THTPA: variants seen among roughly 807,000 people sequenced by gnomAD.
THTPA encodes thiamine-triphosphatase.
Under a neutral mutation model 16.5 loss-of-function variants are expected in THTPA, and 16 were observed. That is an observed-to-expected ratio of 0.97 (90% CI 0.66 to 1.47). The LOEUF (loss-of-function observed/expected upper bound fraction) is 1.47. Ranked by LOEUF, THTPA falls within the 40% of genes most tolerant of loss-of-function variation. The pLI is 0.00. For synonymous variants in THTPA, 110 were observed against 115.5 expected (o/e 0.95, Z 0.30); for missense variants, 281 against 280.9 (o/e 1.00, Z 0.00).
chr14:23,524,857 G>C, the THTPA span: 8 of 1,536,476 alleles, frequency 5.2e-6, no homozygotes, highest in Admixed American at 1.2e-4. This position sits in a 1 kb window ranked among gnomAD's most constrained non-coding sequence, Gnocchi z 5.6. Flanking sequence ...CAAGGGTCTG[G>C]TCATCATAGC....
chr14:23,519,539 G>T, the THTPA span, among the ~76,000 whole-genome samples: 13 of 152,218 alleles, frequency 8.5e-5, no homozygotes, highest in South Asian at 2.7e-3. Flanking sequence ...CTCTCCTGTT[G>T]CCTAGATCTG....
the THTPA span, among the ~76,000 whole-genome samples, chr14:23,517,221 A>G: frequency 6.6e-6 from 1 of 152,150 alleles, no homozygotes; most frequent in Non-Finnish European, 1.5e-5. Flanking sequence ...TGGTCACGCA[A>G]TTGAATCACG....
chr14:23,536,035 C>T, the THTPA span, among the ~76,000 whole-genome samples: 2 of 152,186 alleles, frequency 1.3e-5, no homozygotes, highest in African/African-American at 4.8e-5. Flanking sequence ...ACTTCAACAG[C>T]AACTTCTAAA....
At chr14:23,517,231 G>A in the THTPA span, among the ~76,000 whole-genome samples, 6 of 152,248 alleles carry the variant, frequency 3.9e-5, no homozygotes, top group East Asian at 1.9e-4. Flanking sequence ...ATTGAATCAC[G>A]CAATTTTATC....
the THTPA span, among the ~76,000 whole-genome samples, chr14:23,549,186 T>A: frequency 6.6e-6 from 1 of 152,202 alleles, no homozygotes; most frequent in South Asian, 2.1e-4. Flanking sequence ...TTTGTTTCAT[T>A]CTTCCAATTT....
the THTPA span, among the ~76,000 whole-genome samples, chr14:23,519,621 A>G: frequency 2.0e-5 from 3 of 152,182 alleles, no homozygotes; most frequent in African/African-American, 7.2e-5. Context: ...GCTGTTAGTT[A>G]GAAAACTAAC....
upstream of THTPA, among the ~76,000 whole-genome samples, chr14:23,554,724 A>T (rs1414437569): frequency 6.6e-6 from 1 of 151,984 alleles, no homozygotes; most frequent in Non-Finnish European, 1.5e-5. Flanking sequence ...CCTTCTCCCT[A>T]TAATACCTCT....
the THTPA span, chr14:23,534,075 C>A: frequency 6.6e-7 from 1 of 1,518,344 alleles, no homozygotes; most frequent in South Asian, 1.2e-5. The surrounding 1 kb of genome is among the most constrained non-coding windows in gnomAD (Gnocchi z 4.5). Context: ...GGCGATAGGG[C>A]TGGGGTGGGT....
At chr14:23,524,302 G>A in the THTPA span, 1 of 1,536,372 alleles carries the variant, frequency 6.5e-7, no homozygotes, top group Non-Finnish European at 8.7e-7. The surrounding 1 kb of genome is among the most constrained non-coding windows in gnomAD (Gnocchi z 5.6). Flanking sequence ...GTGTTGGGTT[G>A]GAATCCTGCA....
Sources: gnomAD v4.1 joint callset for allele counts (sites outside exome capture counted in the v4.1 genomes callset) on GRCh38, gnomAD v4.1.1 for gene constraint, Gnocchi (gnomAD v3.1) non-coding constraint, MANE v1.5 for transcripts, NCBI Gene and HGNC (gene_info 2026-07-23, HGNC 2026-07-21) for gene names.